The following KIAA1958 variants were observed in gnomAD, a reference collection of about 807,000 sequenced individuals.
KIAA1958 encodes the protein KIAA1958, also known as uncharacterized protein KIAA1958.
Under a neutral mutation model 47.2 loss-of-function variants are expected in KIAA1958, and 14 were observed. The ratio of observed to expected loss-of-function variants is 0.30; its 90% CI spans 0.20 to 0.46. The LOEUF is 0.46. KIAA1958 is among the 20% of genes least tolerant of loss of function. The pLI is 1.00. For synonymous variants in KIAA1958, 354 were observed against 353.3 expected (o/e 1.00, Z -0.02); for missense variants, 803 against 909.2 (o/e 0.88, Z 1.50).
intron 1 of KIAA1958, among the ~76,000 whole-genome samples, chr9:112,547,427 C>T (rs373575481): frequency 4.7e-5 from 7 of 149,390 alleles, no homozygotes; most frequent in Non-Finnish European, 7.4e-5. Flanking sequence ...ACTAACTGAA[C>T]GGACCCCTTT....
Position 112,594,193 on chromosome 9 carries a change from G to A in KIAA1958, c.1171+18942G>A, listed in dbSNP as rs570099148. ...GGAGACTTTTAAATGTAGTATAGTT[G>A]GAAAGTTCTGGAAGGTGGGAAGACA... On this transcript the variant is annotated intron_variant, in intron 2 of 3. Coordinates refer to ENST00000337530, the MANE Select transcript of KIAA1958 (RefSeq NM_133465.4). 1.4e-4 allele frequency among the ~76,000 whole-genome samples: 21 copies of A among 152,248 alleles called. No individual in the cohort carries two copies. In the South Asian group the frequency reaches 4.3e-3, roughly 32 times the overall value.
chr9:112,644,691 A>T (rs777014786), intron 2 of KIAA1958, among the ~76,000 whole-genome samples: 2 of 152,046 alleles, frequency 1.3e-5, no homozygotes, highest in Non-Finnish European at 2.9e-5. Context: ...CTCTGAGGAG[A>T]TGTGAGCCCC....
At chr9:112,525,770 T>A (rs1261856481) in intron 1 of KIAA1958, among the ~76,000 whole-genome samples, 1 of 151,652 alleles carries the variant, frequency 6.6e-6, no homozygotes, top group Non-Finnish European at 1.5e-5. Context: ...CTGTTTTGCA[T>A]ACTTATTACA....
chr9:112,510,592 C>T (rs1024377723), intron 1 of KIAA1958, among the ~76,000 whole-genome samples: 1 of 152,202 alleles, frequency 6.6e-6, no homozygotes, highest in African/African-American at 2.4e-5. Flanking sequence ...GTTACATATA[C>T]TGTCTCTTCT....
At chr9:112,630,854 G>A (rs924528400) in intron 2 of KIAA1958, among the ~76,000 whole-genome samples, 19 of 152,142 alleles carry the variant, frequency 1.2e-4, no homozygotes, top group Admixed American at 3.3e-4. Context: ...AACAATGACC[G>A]TATTTTTGTA....
chr9:112,582,246 ATTGTC>A (rs1835748966), intron 2 of KIAA1958, among the ~76,000 whole-genome samples: 1 of 152,182 alleles, frequency 6.6e-6, no homozygotes, highest in African/African-American at 2.4e-5. Flanking sequence ...GTATAATTGG[ATTGTC>A]TGTAACAAAG....
intron 1 of KIAA1958, among the ~76,000 whole-genome samples, chr9:112,545,453 C>G (rs1332175067): frequency 6.6e-6 from 1 of 152,152 alleles, no homozygotes; most frequent in Non-Finnish European, 1.5e-5. Flanking sequence ...AAGAAACTGT[C>G]AAGTCAGGGT....
chr9:112,495,424 GA>G (rs573604250), intron 1 of KIAA1958, among the ~76,000 whole-genome samples: 132 of 152,226 alleles, frequency 8.7e-4, no homozygotes, highest in African/African-American at 3.1e-3. Flanking sequence ...TTGCTTATCT[GA>G]AGTATTTTAA....
chr9:112,500,814 A>G (rs1175838807), intron 1 of KIAA1958, among the ~76,000 whole-genome samples: 1 of 152,094 alleles, frequency 6.6e-6, no homozygotes, highest in Admixed American at 6.5e-5. Flanking sequence ...TGGCCATGTG[A>G]AAGTTTAAAC....
intron 2 of KIAA1958, among the ~76,000 whole-genome samples, chr9:112,588,141 A>G (rs1158722803): frequency 1.3e-5 from 2 of 152,154 alleles, no homozygotes; most frequent in African/African-American, 4.8e-5. Flanking sequence ...GTTTGTCAAT[A>G]TTTTTACTCT....
At chr9:112,528,605 CT>C (rs1304435656) in intron 1 of KIAA1958, among the ~76,000 whole-genome samples, 1 of 152,186 alleles carries the variant, frequency 6.6e-6, no homozygotes, top group East Asian at 1.9e-4. Flanking sequence ...TCACTGCAAC[CT>C]CTGCCTCCTG....
At chr9:112,649,516 CTAATG>C (rs1837026319) in intron 3 of KIAA1958, among the ~76,000 whole-genome samples, 2 of 151,842 alleles carry the variant, frequency 1.3e-5, no homozygotes, top group African/African-American at 2.4e-5. Flanking sequence ...TTCAAGGAGC[CTAATG>C]TACATGTAAT....
At chr9:112,638,020 C>A (rs10981463) in intron 2 of KIAA1958, among the ~76,000 whole-genome samples, 88,170 of 151,732 alleles carry the variant, frequency 0.58, 25,901 homozygotes, top group Admixed American at 0.62. Flanking sequence ...GTGGTGCTGC[C>A]TGCCTGTGAT....
Position 112,638,146 on chromosome 9 carries a change from CT to C in KIAA1958, c.1172-7503del, listed in dbSNP as rs536645831. Among the ~76,000 whole-genome samples the C allele has an allele frequency of 6.6e-5, 10 of 152,004 alleles. No homozygotes were observed. In the South Asian group the frequency reaches 2.1e-3, roughly 32 times the overall value. ...CCTGGGCAACAGCGAGAGACTCCAT[CT>C]CAAAAAAATAAACAAAAAATAAAAT... On this transcript the variant is annotated intron_variant, in intron 2 of 3. Coordinates refer to ENST00000337530, the MANE Select transcript of KIAA1958 (RefSeq NM_133465.4).
In KIAA1958 at chr9:112,562,165, C is replaced by T. The variant is rs141106403; in HGVS notation, c.-24-11892C>T. On this transcript the variant is annotated intron_variant, in intron 1 of 3. Coordinates refer to ENST00000337530, the MANE Select transcript of KIAA1958 (RefSeq NM_133465.4). ...TATTGTGTATTATTCTCTGTAGTTA[C>T]ATGGTAGACCACCAAAATGGGGGGA... is the stretch of plus-strand genomic sequence containing the variant. Among the ~76,000 whole-genome samples the T allele has an allele frequency of 3.6e-3, 555 of 152,316 alleles. 3 individuals carry two copies. Among genetic ancestry groups the T allele is most frequent in the African/African-American group, 0.013 (524 of 41,560 alleles).
intron 2 of KIAA1958, among the ~76,000 whole-genome samples, chr9:112,629,871 CAG>C (rs1467269067): frequency 1.3e-5 from 2 of 152,198 alleles, no homozygotes; most frequent in African/African-American, 4.8e-5. Context: ...GCTTGAGTCA[CAG>C]TGTTTTGTCT....
At chr9:112,658,893 G>A (rs1314336478) in intron 3 of KIAA1958, among the ~76,000 whole-genome samples, 1 of 150,308 alleles carries the variant, frequency 6.7e-6, no homozygotes, top group East Asian at 1.9e-4. Context: ...GGTGGCGGGA[G>A]CCTATAGTCC....
intron 2 of KIAA1958, among the ~76,000 whole-genome samples, chr9:112,637,255 C>G (rs1162961349): frequency 6.6e-6 from 1 of 152,184 alleles, no homozygotes; most frequent in African/African-American, 2.4e-5. Context: ...TCATTCTTTT[C>G]TCATTAACTT....
rs1444333444 is a variant in KIAA1958 at position 112,667,052 on chromosome 9, G to C, written c.*6983G>C. ...ACACGCAAATATTATGATTTTTTAT[G>C]TATGATGTTGGGTTCAGAGACCCAT... On this transcript the variant is annotated 3_prime_UTR_variant, in exon 4 of 4. Coordinates refer to ENST00000337530, the MANE Select transcript of KIAA1958 (RefSeq NM_133465.4). 1 of 152,158 alleles carries C rather than the reference G, an allele frequency of 6.6e-6. No individual in the cohort carries two copies. The highest frequency in any genetic ancestry group is 1.5e-5 in the Non-Finnish European group (1 of 68,038). The allele number at this position is 152,158 out of a possible 1,614,324, so 9.4% of individuals were successfully genotyped here.
Sources: allele counts gnomAD v4.1 joint callset (sites outside exome capture counted in the v4.1 genomes callset), GRCh38; gene constraint gnomAD v4.1.1; transcripts MANE v1.5; gene names NCBI Gene and HGNC (gene_info 2026-07-23, HGNC 2026-07-21).